MARCHF6: variants seen among roughly 807,000 people sequenced by gnomAD.
MARCHF6 encodes the protein membrane associated ring-CH-type finger 6.
Under a neutral mutation model 133.7 loss-of-function variants are expected in MARCHF6, and 31 were observed. The ratio of observed to expected loss-of-function variants is 0.23; its 90% CI spans 0.17 to 0.31. MARCHF6 has a LOEUF of 0.31. MARCHF6 is among the 10% of genes least tolerant of loss of function. The pLI, the probability that MARCHF6 is intolerant of heterozygous loss-of-function variation, is 1.00. For synonymous variants in MARCHF6, 395 were observed against 402.5 expected (o/e 0.98, Z 0.22); for missense variants, 723 against 1,121.6 (o/e 0.64, Z 5.08).
chr5:10,423,927 C>G, intron 23 of MARCHF6, 103 bp downstream of exon 23: 2 of 685,470 alleles, frequency 2.9e-6, no homozygotes, highest in Non-Finnish European at 4.5e-6. Context: ...GCTGAGTTTT[C>G]TACATTTTTT....
chr5:10,418,944 T>G (rs1486601260), intron 22 of MARCHF6, among the ~76,000 whole-genome samples: 1 of 152,112 alleles, frequency 6.6e-6, no homozygotes, highest in Non-Finnish European at 1.5e-5. Flanking sequence ...CCATAAGAGA[T>G]AGTATCTAAG....
At chr5:10,373,716 C>T (rs895697218) in intron 1 of MARCHF6, among the ~76,000 whole-genome samples, 6 of 152,180 alleles carry the variant, frequency 3.9e-5, no homozygotes, top group Non-Finnish European at 8.8e-5. Flanking sequence ...TACCCTACTT[C>T]CTACTTGCAC....
intron 1 of MARCHF6, among the ~76,000 whole-genome samples, chr5:10,358,294 A>G (rs1735605258): frequency 6.6e-6 from 1 of 152,166 alleles, no homozygotes; most frequent in African/African-American, 2.4e-5. Context: ...TATGGAGCCA[A>G]TGGGGAGAGA....
At chr5:10,381,673 T>G in intron 3 of MARCHF6, 127 bp from the exon 4 acceptor site, 1 of 701,310 alleles carries the variant, frequency 1.4e-6, no homozygotes, top group Non-Finnish European at 2.2e-6. Flanking sequence ...GGTTTATTTT[T>G]TTTAAATAGG....
rs1740598093 is a variant in MARCHF6 at position 10,435,662 on chromosome 5, TATATATATATATATATATATATATATA to T, written c.*1979_*2005del. The stretch of plus-strand genomic sequence containing the variant: ...AACTATATATATATATATATATATA[TATATATATATATATATATATATATATA>T]TATATATATTTTTTTTTTTTTTTTT... On this transcript the variant is annotated 3_prime_UTR_variant, in exon 26 of 26. Coordinates refer to ENST00000274140, the MANE Select transcript of MARCHF6 (RefSeq NM_005885.4). The T allele has an allele frequency of 1.3e-4, 1 of 7,422 alleles. No individual in the cohort carries two copies. The highest frequency in any genetic ancestry group is 8.8e-4 in the African/African-American group (1 of 1,132). The allele number at this position is 7,422 out of a possible 1,614,324, so 0.5% of individuals were successfully genotyped here.
intron 22 of MARCHF6, among the ~76,000 whole-genome samples, chr5:10,418,949 T>C (rs1028456942): frequency 1.3e-5 from 2 of 152,110 alleles, no homozygotes; most frequent in Non-Finnish European, 2.9e-5. Flanking sequence ...AGAGATAGTA[T>C]CTAAGCCAAC....
At chr5:10,430,145 G>T in intron 25 of MARCHF6, 117 bp downstream of exon 25, 1 of 1,229,860 alleles carries the variant, frequency 8.1e-7, no homozygotes. Context: ...ACTTGGAGGT[G>T]GGATTAGCAA....
rs144052844 is a variant in MARCHF6, at chr5:10,402,095, A to T, written c.1009A>T (p.Ile337Leu). ...ASHFEGLITTIVGYILLAITL... is the reference protein window; with the variant it reads ...ASHFEGLITTLVGYILLAITL... The stretch of plus-strand genomic sequence containing the variant: ...TCATTTTGAAGGCCTAATCACAACC[A>T]TAGTTGGGTATATACTTTTAGCAAT... The change falls in exon 12 of 26, where the codon ATA (isoleucine) becomes TTA (leucine). Residue 337 changes from isoleucine (I) to leucine (L), a missense_variant. Coordinates refer to ENST00000274140, the MANE Select transcript of MARCHF6 (RefSeq NM_005885.4). 1 of 1,610,664 alleles carries T rather than the reference A, an allele frequency of 6.2e-7. No individual in the cohort carries two copies. The highest frequency in any genetic ancestry group is 1.3e-5 in the African/African-American group (1 of 74,946).
chr5:10,390,880 C>A (rs1202704229), intron 6 of MARCHF6, among the ~76,000 whole-genome samples: 2 of 152,136 alleles, frequency 1.3e-5, no homozygotes. Flanking sequence ...TCAATAAAGA[C>A]AAAGGCTGTC....
chr5:10,355,249 C>T (rs750821895), intron 1 of MARCHF6, among the ~76,000 whole-genome samples: 1 of 152,172 alleles, frequency 6.6e-6, no homozygotes, highest in Non-Finnish European at 1.5e-5. Context: ...AATAGTAAAG[C>T]GAAACTGCTG....
At chr5:10,358,797 C>T (rs915050995) in intron 1 of MARCHF6, among the ~76,000 whole-genome samples, 2 of 152,092 alleles carry the variant, frequency 1.3e-5, no homozygotes, top group African/African-American at 4.8e-5. Context: ...TATGTAGATA[C>T]TAGTCTTTTA....
At chr5:10,357,908 G>GT (rs1369199663) in intron 1 of MARCHF6, among the ~76,000 whole-genome samples, 1 of 151,468 alleles carries the variant, frequency 6.6e-6, no homozygotes, top group African/African-American at 2.4e-5. Flanking sequence ...TATAAACGCT[G>GT]TGGAGAACAG....
At chr5:10,375,343 G>A (rs868258086) in intron 1 of MARCHF6, among the ~76,000 whole-genome samples, 10 of 152,222 alleles carry the variant, frequency 6.6e-5, no homozygotes, top group Admixed American at 2.0e-4. Context: ...CAGCAGTGCC[G>A]GCCCACCGGC....
At position 10,390,328 on chromosome 5, in the gene MARCHF6, A is replaced by C. The variant is rs1156610026; in HGVS notation, c.408-4A>C. The C allele has an allele frequency of 6.3e-7, 1 of 1,598,184 alleles. No homozygotes were observed. ...GTAATTATATGTACTTTTTTTTTTA[A>C]TAGGGAAAATTTGTTGGCAGATTGT... On this transcript the variant is annotated splice_polypyrimidine_tract_variant and splice_region_variant and intron_variant, in intron 5 of 25. Coordinates refer to ENST00000274140, the MANE Select transcript of MARCHF6 (RefSeq NM_005885.4).
At chr5:10,416,087 A>G (rs924084925) in intron 21 of MARCHF6, among the ~76,000 whole-genome samples, 3 of 151,604 alleles carry the variant, frequency 2.0e-5, no homozygotes, top group African/African-American at 7.3e-5. Context: ...GTGCATGCAC[A>G]CACCTACACA....
At chr5:10,425,131 C>G (rs563100332) in intron 23 of MARCHF6, among the ~76,000 whole-genome samples, 26 of 152,320 alleles carry the variant, frequency 1.7e-4, no homozygotes, top group African/African-American at 6.3e-4. Context: ...GTTAGCCAAG[C>G]ATGCTCAAGA....
chr5:10,378,073 G>T lies in MARCHF6; in HGVS notation c.116+179G>T, dbSNP rs184657161. Among the ~76,000 whole-genome samples the T allele has an allele frequency of 2.4e-3, 366 of 152,252 alleles. 1 individual carries two copies. Among genetic ancestry groups the T allele is most frequent in the Non-Finnish European group, 4.1e-3 (276 of 68,006 alleles). On this transcript the variant is annotated intron_variant, in intron 2 of 25. Coordinates refer to ENST00000274140, the MANE Select transcript of MARCHF6 (RefSeq NM_005885.4). ...TGTAAAAATTAAAAAATTTGGAAAA[G>T]AAATTATCCATTAATTCTTAATACC...
intron 9 of MARCHF6, among the ~76,000 whole-genome samples, chr5:10,396,412 T>G (rs1436013243): frequency 1.3e-5 from 2 of 152,184 alleles, no homozygotes; most frequent in Non-Finnish European, 2.9e-5. Flanking sequence ...AGGGAAAATT[T>G]AGGAGCCCTT....
At chr5:10,404,072 T>TTAC (rs1244048530) in intron 15 of MARCHF6, among the ~76,000 whole-genome samples, 115 of 85,862 alleles carry the variant, frequency 1.3e-3, no homozygotes, top group South Asian at 9.3e-3. Flanking sequence ...TATTTATTTA[T>TTAC]TTATTTACTT....
Sources: gnomAD v4.1 joint callset for allele counts (sites outside exome capture counted in the v4.1 genomes callset) on GRCh38, gnomAD v4.1.1 for gene constraint, MANE v1.5 for transcripts, NCBI Gene and HGNC (gene_info 2026-07-23, HGNC 2026-07-21) for gene names.